The following MAGI2 variants were observed in gnomAD, a reference collection of about 807,000 sequenced individuals.
MAGI2 encodes the protein membrane-associated guanylate kinase, WW and PDZ domain-containing protein 2.
In MAGI2, 35 loss-of-function variants were observed where a neutral mutation model predicts 133.3. That is an observed-to-expected ratio of 0.26 (90% CI 0.20 to 0.35). MAGI2 has a LOEUF of 0.35. Ranked by LOEUF, MAGI2 falls within the 10% of genes least tolerant of loss-of-function variation. MAGI2 has a pLI of 1.00. For missense variants in MAGI2, 1,636 were observed against 1,863.4 expected, an observed-to-expected ratio of 0.88 and a Z score of 2.25; for synonymous variants, 729 against 710.6, an observed-to-expected ratio of 1.03 and a Z score of -0.41.
At chr7:78,104,507 C>CCA (rs1296639180) in intron 20 of MAGI2, among the ~76,000 whole-genome samples, 9 of 151,826 alleles carry the variant, frequency 5.9e-5, no homozygotes, top group Non-Finnish European at 1.3e-4. Flanking sequence ...CAGGCATGAG[C>CCA]CACCGCGCCC....
At chr7:79,412,421 T>C (rs903742745) in intron 1 of MAGI2, 9 of 152,136 alleles carry the variant, frequency 5.9e-5, no homozygotes, top group African/African-American at 1.9e-4. Flanking sequence ...ATTACTGTCC[T>C]GATGCTGCAG....
chr7:79,273,241 A>AT (rs1298109776), intron 1 of MAGI2, among the ~76,000 whole-genome samples: 1 of 151,584 alleles, frequency 6.6e-6, no homozygotes, highest in Non-Finnish European at 1.5e-5. Context: ...TAGGCCAAAA[A>AT]AAAATAGTTT....
At chr7:78,363,450 G>A (rs1399164288) in intron 7 of MAGI2, among the ~76,000 whole-genome samples, 2 of 151,124 alleles carry the variant, frequency 1.3e-5, no homozygotes, top group African/African-American at 4.9e-5. Flanking sequence ...CTGAGATCGC[G>A]CCACTGCACT....
At chr7:78,079,440 T>C (rs1185975175) in intron 20 of MAGI2, among the ~76,000 whole-genome samples, 1 of 152,236 alleles carries the variant, frequency 6.6e-6, no homozygotes, top group Non-Finnish European at 1.5e-5. Flanking sequence ...TTGCTTTGAA[T>C]CAAAAAGTAA....
At chr7:78,701,129 C>T (rs1818026617) in intron 2 of MAGI2, among the ~76,000 whole-genome samples, 1 of 151,590 alleles carries the variant, frequency 6.6e-6, no homozygotes, top group African/African-American at 2.4e-5. Flanking sequence ...AAAAATTTTA[C>T]AGTAAGAAAG....
At chr7:78,130,351 T>C (rs762725026) in intron 18 of MAGI2, among the ~76,000 whole-genome samples, 7 of 152,298 alleles carry the variant, frequency 4.6e-5, no homozygotes, top group Non-Finnish European at 5.9e-5. Context: ...AAGCAGATTG[T>C]CATTTTATTT....
chr7:78,464,955 A>T (rs1358407280), intron 6 of MAGI2, among the ~76,000 whole-genome samples: 1 of 152,136 alleles, frequency 6.6e-6, no homozygotes, highest in Non-Finnish European at 1.5e-5. Flanking sequence ...ATTCAATAAT[A>T]CTATCATAGT....
At chr7:78,882,503 A>T (rs1417916995) in intron 2 of MAGI2, among the ~76,000 whole-genome samples, 1 of 152,064 alleles carries the variant, frequency 6.6e-6, no homozygotes, top group Non-Finnish European at 1.5e-5. Context: ...CTTCCCCCTA[A>T]CTCATTCTAT....
chr7:78,259,497 T>G (rs570963791), intron 9 of MAGI2, among the ~76,000 whole-genome samples: 135 of 152,310 alleles, frequency 8.9e-4, no homozygotes, highest in Middle Eastern at 6.8e-3. Context: ...CTGTAAATTG[T>G]TATGCAAAAG....
At chr7:78,629,590 G>A (rs2150960467) in intron 2 of MAGI2, among the ~76,000 whole-genome samples, 1 of 152,038 alleles carries the variant, frequency 6.6e-6, no homozygotes, top group South Asian at 2.1e-4. Flanking sequence ...TTCACTGTTG[G>A]TTATTTCATT....
intron 1 of MAGI2, among the ~76,000 whole-genome samples, chr7:79,435,212 A>G (rs1039949712): frequency 6.6e-6 from 1 of 152,232 alleles, no homozygotes; most frequent in Non-Finnish European, 1.5e-5. Flanking sequence ...ATGTGTCTCA[A>G]ATAAGTCAAC....
chr7:78,817,599 ACT>A (rs1172699747), intron 2 of MAGI2, among the ~76,000 whole-genome samples: 2 of 152,198 alleles, frequency 1.3e-5, no homozygotes, highest in Non-Finnish European at 2.9e-5. Flanking sequence ...CCAGATTATG[ACT>A]CTGAAAGCTC....
At chr7:79,058,691 T>A (rs1211568584) in intron 1 of MAGI2, among the ~76,000 whole-genome samples, 1 of 152,024 alleles carries the variant, frequency 6.6e-6, no homozygotes, top group Non-Finnish European at 1.5e-5. Flanking sequence ...GGTAGGAGAA[T>A]AACAGAAATA....
intron 1 of MAGI2, among the ~76,000 whole-genome samples, chr7:79,439,789 A>G (rs1205083361): frequency 1.3e-5 from 2 of 152,142 alleles, no homozygotes; most frequent in African/African-American, 4.8e-5. Context: ...AGTCTCTTCC[A>G]TCATAACACA....
At chr7:78,411,455 A>G (rs1797866491) in intron 6 of MAGI2, among the ~76,000 whole-genome samples, 1 of 152,076 alleles carries the variant, frequency 6.6e-6, no homozygotes, top group South Asian at 2.1e-4. Context: ...TATACCAACA[A>G]TAAAATGATA....
At chr7:79,237,234 G>A (rs1435268294) in intron 1 of MAGI2, among the ~76,000 whole-genome samples, 6 of 152,168 alleles carry the variant, frequency 3.9e-5, no homozygotes, top group South Asian at 2.1e-4. Context: ...GGTGGCTCAC[G>A]CCTGTAATCC....
rs73703732 is a variant in MAGI2, at chr7:78,200,906, G to C, written c.2079+256C>G. Among the ~76,000 whole-genome samples the C allele has an allele frequency of 0.024, 3,620 of 152,216 alleles. 154 individuals are homozygous for C. Among genetic ancestry groups the C allele is most frequent in the African/African-American group, 0.083 (3,432 of 41,520 alleles). ...TTCTAAAGTATTTTCATTACATTAG[G>C]CTGCATAGTGTTAATGTTCATTTTG... On this transcript the variant is annotated intron_variant, in intron 11 of 21. Transcript: ENST00000354212.
At chr7:79,324,343 TTATG>T (rs959607765) in intron 1 of MAGI2, among the ~76,000 whole-genome samples, 9 of 149,744 alleles carry the variant, frequency 6.0e-5, no homozygotes, top group East Asian at 3.9e-4. Flanking sequence ...ATGTTTCAAT[TTATG>T]TATGTATGTA....
intron 1 of MAGI2, among the ~76,000 whole-genome samples, chr7:79,020,909 G>T (rs540665462): frequency 6.6e-6 from 1 of 152,232 alleles, no homozygotes; most frequent in African/African-American, 2.4e-5. Flanking sequence ...AGGAAAAATG[G>T]TTTCATTGGC....
Sources: allele counts gnomAD v4.1 joint callset (sites outside exome capture counted in the v4.1 genomes callset), GRCh38; gene constraint gnomAD v4.1.1; transcripts MANE v1.5; gene names NCBI Gene and HGNC (gene_info 2026-07-23, HGNC 2026-07-21).